The following CCNG1 variants were observed in gnomAD, a reference collection of about 807,000 sequenced individuals.
The protein encoded by CCNG1 is cyclin-G1.
CCNG1 carries 13 observed loss-of-function variants against 30.0 expected under a neutral mutation model. That is an observed-to-expected ratio of 0.43 (90% CI 0.28 to 0.69). The LOEUF (loss-of-function observed/expected upper bound fraction) is 0.69, where lower values mean the gene tolerates loss of function less well. Among genes scored for constraint, CCNG1 ranks in the 30% least tolerant of loss-of-function variants. CCNG1 has a pLI of 0.16. For missense variants in CCNG1, 285 were observed against 331.4 expected (o/e 0.86, Z 1.09); for synonymous variants, 110 against 121.5 (o/e 0.91, Z 0.62).
At chr5:163,453,774 T>C in the CCNG1 span, 1 of 377,934 alleles carries the variant, frequency 2.6e-6, no homozygotes, top group Non-Finnish European at 4.8e-6. Flanking sequence ...CTTTACCATA[T>C]ATCCATAGAA....
At chr5:163,456,068 T>C in the CCNG1 span, among the ~76,000 whole-genome samples, 1 of 152,132 alleles carries the variant, frequency 6.6e-6, no homozygotes, top group South Asian at 2.1e-4. Context: ...GGAAGGATGT[T>C]AGGGTGTTCA....
At chr5:163,457,218 G>GCC in the CCNG1 span, 2 of 859,282 alleles carry the variant, frequency 2.3e-6, no homozygotes, top group Non-Finnish European at 3.4e-6. Flanking sequence ...TGAAACCTCC[G>GCC]CCCCCCGGGT....
Position 163,443,684 on chromosome 5 carries a change from G to C in CCNG1, c.*14G>C. ...TCTTTATTTAAATAGGATTATTACAGCACCAAAAAACTTCTCTGAAGCCTT... is the reference window on the plus strand; with the variant it reads ...TCTTTATTTAAATAGGATTATTACACCACCAAAAAACTTCTCTGAAGCCTT... On this transcript the variant is annotated 3_prime_UTR_variant, in exon 7 of 7. Coordinates refer to ENST00000340828, the MANE Select transcript of CCNG1 (RefSeq NM_004060.4). 1 of 1,520,786 alleles carries C rather than the reference G, an allele frequency of 6.6e-7. No homozygotes were observed. Among genetic ancestry groups the C allele is most frequent in the Non-Finnish European group, 8.8e-7 (1 of 1,133,834 alleles). 94.2% of individuals were successfully genotyped at this position (1,520,786 alleles called of 1,614,324 possible).
In CCNG1 at chr5:163,444,939, G is replaced by C. The variant is rs534968287; in HGVS notation, c.*1269G>C. The C allele has an allele frequency of 6.6e-6, 1 of 152,462 alleles. No homozygotes were observed. The highest frequency in any genetic ancestry group is 1.5e-5 in the Non-Finnish European group (1 of 68,018). The allele number at this position is 152,462 out of a possible 1,614,324, so 9.4% of individuals were successfully genotyped here. A position where few individuals can be genotyped will look rare whatever the true frequency, so the allele number is the denominator to read the frequency against. On this transcript the variant is annotated 3_prime_UTR_variant, in exon 7 of 7. Transcript: ENST00000340828. ...AATACATCATTGTTAATTTTGAGTT[G>C]GCAGAGGTAAACTAACCAACTACCA...
At chr5:163,449,681 T>C (rs1204148084), downstream of CCNG1, 1 of 152,182 alleles carries the variant, frequency 6.6e-6, no homozygotes, top group Non-Finnish European at 1.5e-5. Context: ...ACTATAAAGC[T>C]GTGATAATCA....
chr5:163,445,409 A>G (rs183464270), downstream of CCNG1, among the ~76,000 whole-genome samples: 38 of 152,248 alleles, frequency 2.5e-4, 1 homozygote, highest in Admixed American at 2.4e-3. Flanking sequence ...GCATAGTACC[A>G]GAAACAATAA....
chr5:163,457,411 C>A, the CCNG1 span: 24 of 602,612 alleles, frequency 4.0e-5, no homozygotes, highest in East Asian at 4.5e-4. Context: ...TTTCTCCCCC[C>A]ACTAGGTAAC....
chr5:163,443,753 T>C lies in CCNG1; in HGVS notation c.*83T>C. ...ATGGATTCCATAATGTTACAATGGA[T>C]TTAAGCTATGAAGCCTCAAAACATC... On this transcript the variant is annotated 3_prime_UTR_variant, in exon 7 of 7. Transcript: ENST00000340828. 1 of 1,503,090 alleles carries C rather than the reference T, an allele frequency of 6.7e-7. No individual in the cohort carries two copies. The highest frequency in any genetic ancestry group is 8.9e-7 in the Non-Finnish European group (1 of 1,121,888). The allele number at this position is 1,503,090 out of a possible 1,614,324, so 93.1% of individuals were successfully genotyped here.
the CCNG1 span, among the ~76,000 whole-genome samples, chr5:163,456,322 TAA>T: frequency 3.3e-5 from 5 of 152,182 alleles, no homozygotes; most frequent in African/African-American, 1.2e-4. Context: ...CAGCTTTCTT[TAA>T]AATAGAGAAA....
At chr5:163,453,429 T>C in the CCNG1 span, 9 of 152,456 alleles carry the variant, frequency 5.9e-5, no homozygotes, top group Non-Finnish European at 1.0e-4. Flanking sequence ...CATAAAGTAA[T>C]CCCTCAAGTA....
chr5:163,447,984 A>G (rs1442221626), downstream of CCNG1: 1 of 152,112 alleles, frequency 6.6e-6, no homozygotes, highest in African/African-American at 2.4e-5. Context: ...TAACACTCTA[A>G]GCTCCCACTT....
chr5:163,456,002 C>T, the CCNG1 span, among the ~76,000 whole-genome samples: 5 of 151,802 alleles, frequency 3.3e-5, no homozygotes, highest in Non-Finnish European at 7.4e-5. Flanking sequence ...TTTTTTTGAC[C>T]TGAACTACTA....
At chr5:163,450,101 T>TA (rs1237686047), downstream of CCNG1, 64 of 147,220 alleles carry the variant, frequency 4.3e-4, no homozygotes, top group Admixed American at 1.3e-3. Flanking sequence ...AAATAAAAAA[T>TA]AAAAAAAAAA....
downstream of CCNG1, among the ~76,000 whole-genome samples, chr5:163,445,195 ACTTT>A (rs1396658840): frequency 6.6e-6 from 1 of 152,008 alleles, no homozygotes; most frequent in African/African-American, 2.4e-5. Context: ...ATGACACTTT[ACTTT>A]GTTTTTTCTG....
chr5:163,447,184 AT>A (rs1159785071), downstream of CCNG1: 1 of 152,476 alleles, frequency 6.6e-6, no homozygotes, highest in Admixed American at 6.5e-5. Flanking sequence ...ACAGAGACTC[AT>A]TCATTCCTGT....
At chr5:163,439,699 T>A (rs1403451143) in intron 2 of CCNG1, 179 bp downstream of exon 2, 2 of 542,526 alleles carry the variant, frequency 3.7e-6, no homozygotes, top group African/African-American at 3.8e-5. Context: ...ACATCAGGTA[T>A]TAGACTTAAA....
At chr5:163,455,083 T>C in the CCNG1 span, among the ~76,000 whole-genome samples, 34 of 151,960 alleles carry the variant, frequency 2.2e-4, no homozygotes, top group Admixed American at 1.6e-3. Flanking sequence ...TGGGCCAAAT[T>C]TGGCCCAAGG....
chr5:163,455,112 C>G, the CCNG1 span, among the ~76,000 whole-genome samples: 2 of 150,406 alleles, frequency 1.3e-5, no homozygotes, highest in Non-Finnish European at 2.9e-5. Context: ...TTGCCAACCG[C>G]TGATGTCGTG....
At chr5:163,456,845 G>T in the CCNG1 span, 1 of 985,966 alleles carries the variant, frequency 1.0e-6, no homozygotes, top group South Asian at 3.1e-5. Flanking sequence ...TTTTCATAAT[G>T]ACATTTGAGT....
Sources: gnomAD v4.1 joint callset for allele counts (sites outside exome capture counted in the v4.1 genomes callset) on GRCh38, gnomAD v4.1.1 for gene constraint, MANE v1.5 for transcripts, NCBI Gene and HGNC (gene_info 2026-07-23, HGNC 2026-07-21) for gene names.